NRG1: variants seen among roughly 807,000 people sequenced by gnomAD.
NRG1 encodes neuregulin 1.
A neutral mutation model predicts 63.8 loss-of-function variants in NRG1; 18 were observed. The observed-to-expected ratio is 0.28, with a 90% CI of 0.19 to 0.42. The LOEUF (loss-of-function observed/expected upper bound fraction) is 0.42. Among genes scored for constraint, NRG1 ranks in the 10% least tolerant of loss-of-function variants. The pLI is 1.00. For synonymous variants in NRG1, 302 were observed against 301.3 expected (o/e 1.00, Z -0.02); for missense variants, 762 against 814.7 (o/e 0.94, Z 0.79).
At chr8:32,347,680 T>C (rs1805085518) in intron 1 of NRG1, among the ~76,000 whole-genome samples, 1 of 152,220 alleles carries the variant, frequency 6.6e-6, no homozygotes, top group Non-Finnish European at 1.5e-5. Flanking sequence ...TGAAGTTGTG[T>C]AGCCGTGTGT....
At chr8:31,882,022 G>A (rs1050259412) in intron 1 of NRG1, among the ~76,000 whole-genome samples, 13 of 152,152 alleles carry the variant, frequency 8.5e-5, no homozygotes, top group African/African-American at 3.1e-4. Context: ...GAGATTTTCA[G>A]TGTTGACAAA....
chr8:31,746,583 A>G (rs1020201101), intron 1 of NRG1, among the ~76,000 whole-genome samples: 3 of 151,996 alleles, frequency 2.0e-5, no homozygotes, highest in Non-Finnish European at 1.5e-5. Context: ...AGTGTTGGCT[A>G]TGAGTAATAA....
chr8:31,807,546 C>A (rs1305761524), intron 1 of NRG1, among the ~76,000 whole-genome samples: 1 of 152,116 alleles, frequency 6.6e-6, no homozygotes, highest in Non-Finnish European at 1.5e-5. Flanking sequence ...AATGTTCTCA[C>A]TCTTAAACCA....
At chr8:31,762,693 T>C (rs1817679335) in intron 1 of NRG1, among the ~76,000 whole-genome samples, 1 of 152,250 alleles carries the variant, frequency 6.6e-6, no homozygotes, top group Non-Finnish European at 1.5e-5. Flanking sequence ...TGAGGTCAGA[T>C]AATATAGTAA....
chr8:32,047,323 T>A (rs1040062205), intron 1 of NRG1, among the ~76,000 whole-genome samples: 14 of 152,106 alleles, frequency 9.2e-5, no homozygotes, highest in Non-Finnish European at 1.8e-4. Flanking sequence ...AATTTCATTC[T>A]ACTGACAACC....
intron 1 of NRG1, among the ~76,000 whole-genome samples, chr8:32,116,582 A>C (rs1182324997): frequency 2.0e-5 from 3 of 152,090 alleles, no homozygotes; most frequent in Non-Finnish European, 4.4e-5. Flanking sequence ...CCTTCATTCA[A>C]CTGTTAGTAT....
chr8:32,088,897 T>C (rs1438935866), intron 1 of NRG1, among the ~76,000 whole-genome samples: 1 of 152,188 alleles, frequency 6.6e-6, no homozygotes, highest in African/African-American at 2.4e-5. Flanking sequence ...TAATGCTAGA[T>C]AGTGGCTGAA....
rs574670902 is a variant in NRG1, at chr8:32,368,031, C to T, written c.38-227797C>T. ...CTCTATTCTGTTCCATTGGTCTATA[C>T]GTCTGTTTAAACACCAATACCATGC... On this transcript the variant is annotated intron_variant, in intron 1 of 10. Transcript: ENST00000519301. Among the ~76,000 whole-genome samples the T allele has an allele frequency of 2.8e-4, 43 of 152,176 alleles. 1 individual carries two copies. Among genetic ancestry groups the T allele is most frequent in the Middle Eastern group, 6.8e-3 (2 of 294 alleles).
chr8:32,010,780 G>T (rs1814626217), intron 1 of NRG1, among the ~76,000 whole-genome samples: 1 of 152,002 alleles, frequency 6.6e-6, no homozygotes, highest in Non-Finnish European at 1.5e-5. Flanking sequence ...ATCGTTAGGT[G>T]GGCCTGGTGT....
intron 1 of NRG1, among the ~76,000 whole-genome samples, chr8:32,577,678 C>T (rs1376406701): frequency 1.3e-5 from 2 of 151,714 alleles, no homozygotes; most frequent in Non-Finnish European, 2.9e-5. Flanking sequence ...TTAGTTAAAT[C>T]GTTGTACCCT....
At chr8:32,716,918 G>C (rs1232788990) in intron 5 of NRG1, among the ~76,000 whole-genome samples, 1 of 151,902 alleles carries the variant, frequency 6.6e-6, no homozygotes, top group East Asian at 1.9e-4. Context: ...TGTAGAAAAG[G>C]AGTGTGCACA....
intron 1 of NRG1, among the ~76,000 whole-genome samples, chr8:32,296,616 CA>C (rs34816837): frequency 0.33 from 33,322 of 100,674 alleles, 4,408 homozygotes; most frequent in African/African-American, 0.55. Context: ...AACTTTGTCC[CA>C]AAAAAAAAAA....
chr8:31,912,566 CTTTTTT>C (rs3052846), intron 1 of NRG1, among the ~76,000 whole-genome samples: 13 of 105,618 alleles, frequency 1.2e-4, no homozygotes, highest in Non-Finnish European at 9.4e-5. Context: ...TTTAGAAATG[CTTTTTT>C]TTTTTTTTTT....
At chr8:31,678,907 T>TTATTCACTGAATA (rs1808026372) in intron 1 of NRG1, among the ~76,000 whole-genome samples, 1 of 151,702 alleles carries the variant, frequency 6.6e-6, no homozygotes, top group African/African-American at 2.4e-5. Context: ...ACTGTCTTTC[T>TTATTCACTGAATA]TATTCACTGA....
chr8:32,595,639 T>C (rs1843221311), intron 1 of NRG1, among the ~76,000 whole-genome samples, 189 bp from the exon 2 acceptor site: 1 of 152,194 alleles, frequency 6.6e-6, no homozygotes, highest in South Asian at 2.1e-4. Flanking sequence ...CTGAGTATAT[T>C]TTATTTGGGC....
chr8:31,744,125 G>C (rs1815607699), intron 1 of NRG1, among the ~76,000 whole-genome samples: 1 of 151,922 alleles, frequency 6.6e-6, no homozygotes, highest in South Asian at 2.1e-4. Flanking sequence ...CACATGTACA[G>C]GTGTTGTTAA....
At chr8:31,944,213 C>T (rs1802192629) in intron 1 of NRG1, among the ~76,000 whole-genome samples, 1 of 152,094 alleles carries the variant, frequency 6.6e-6, no homozygotes, top group African/African-American at 2.4e-5. Context: ...CTAGATAGAT[C>T]TTGTCTAACC....
chr8:32,377,746 A>T (rs1809806379), intron 1 of NRG1, among the ~76,000 whole-genome samples: 1 of 152,170 alleles, frequency 6.6e-6, no homozygotes, highest in Non-Finnish European at 1.5e-5. Context: ...CAATGTATCC[A>T]TCAAAGTAGT....
At chr8:32,081,938 C>T (rs544591310) in intron 1 of NRG1, among the ~76,000 whole-genome samples, 115 of 152,306 alleles carry the variant, frequency 7.6e-4, no homozygotes, top group Admixed American at 3.5e-3. Flanking sequence ...CTTAAAGCCT[C>T]TGGCCAATCT....
Sources: gnomAD v4.1 joint callset for allele counts (sites outside exome capture counted in the v4.1 genomes callset) on GRCh38, gnomAD v4.1.1 for gene constraint, MANE v1.5 for transcripts, NCBI Gene and HGNC (gene_info 2026-07-23, HGNC 2026-07-21) for gene names.